Variants in SLIT2 observed in about 807,000 individuals in gnomAD.
SLIT2 encodes slit homolog 2 protein.
In SLIT2, 41 loss-of-function variants were observed where a neutral mutation model predicts 185.7. The ratio of observed to expected loss-of-function variants is 0.22; its 90% CI spans 0.17 to 0.29. The LOEUF (loss-of-function observed/expected upper bound fraction) is 0.29, where lower values mean the gene tolerates loss of function less well. Ranked by LOEUF, SLIT2 falls within the 10% of genes least tolerant of loss-of-function variation. The probability of loss-of-function intolerance (pLI) is 1.00; values close to 1 mark genes in which losing one functional copy is unlikely to be tolerated. For missense variants in SLIT2, 1,571 were observed against 1,909.0 expected (o/e 0.82, Z 3.30); for synonymous variants, 693 against 680.2 (o/e 1.02, Z -0.29).
At chr4:20,486,987 A>G (rs545000976) in intron 7 of SLIT2, among the ~76,000 whole-genome samples, 11 of 152,202 alleles carry the variant, frequency 7.2e-5, no homozygotes, top group African/African-American at 2.6e-4. Context: ...AAACCAAAGC[A>G]TCAAACTTCT....
chr4:20,359,811 TA>T (rs1425202916), intron 4 of SLIT2, among the ~76,000 whole-genome samples: 1 of 152,104 alleles, frequency 6.6e-6, no homozygotes, highest in African/African-American at 2.4e-5. Context: ...GGAAGTTAGC[TA>T]CCCTCATGTT....
At chr4:20,370,110 T>C (rs977222072) in intron 4 of SLIT2, among the ~76,000 whole-genome samples, 10 of 152,062 alleles carry the variant, frequency 6.6e-5, no homozygotes, top group Non-Finnish European at 1.3e-4. Context: ...AGCAAGCTCT[T>C]CAGGTGATTT....
intron 4 of SLIT2, among the ~76,000 whole-genome samples, chr4:20,362,592 A>C (rs1200948417): frequency 9.2e-5 from 14 of 151,688 alleles, no homozygotes. Context: ...TAATTATATA[A>C]ATTTTTATAT....
intron 4 of SLIT2, among the ~76,000 whole-genome samples, chr4:20,427,375 AT>A (rs1263712315): frequency 1.3e-5 from 2 of 152,038 alleles, no homozygotes; most frequent in Admixed American, 1.3e-4. Flanking sequence ...CATTTTTTTC[AT>A]TTTCAAAGGT....
chr4:20,414,219 A>G (rs1297304801), intron 4 of SLIT2, among the ~76,000 whole-genome samples: 1 of 152,162 alleles, frequency 6.6e-6, no homozygotes, highest in East Asian at 1.9e-4. Flanking sequence ...TGTTAAATTA[A>G]TTAAATACCA....
At chr4:20,561,575 A>C (rs1172085745) in intron 26 of SLIT2, among the ~76,000 whole-genome samples, 1 of 151,790 alleles carries the variant, frequency 6.6e-6, no homozygotes, top group African/African-American at 2.4e-5. Context: ...TATTTAGATC[A>C]GTTTTGAAGC....
In SLIT2 at chr4:20,367,527, C is replaced by A. The variant is rs73108604; in HGVS notation, c.395+98646C>A. The stretch of plus-strand genomic sequence containing the variant: ...GGAGACATTTGATATATTTTTAAGT[C>A]TCCCAGAAAATATCCTAAGCATAAG... On this transcript the variant is annotated intron_variant, in intron 4 of 36. Transcript: ENST00000504154. Among the ~76,000 whole-genome samples, 581 of 152,184 alleles carry A rather than the reference C, an allele frequency of 3.8e-3. 4 individuals are homozygous for A. The highest frequency in any genetic ancestry group is 0.012 in the African/African-American group (513 of 41,538).
At position 20,532,038 on chromosome 4, in the gene SLIT2, A is replaced by G; in HGVS notation, c.1668A>G (p.Lys556=). ...TGGAAGCCACAGGAATCTTTAAGAA[A>G]CTTCCTCAATTACGTAAAATGTAAG... ...TVLEATGIFK[K]LPQLRKINFS... The change falls in exon 17 of 37, where the codon AAA becomes AAG. Residue 556 remains lysine, a synonymous_variant. Transcript: ENST00000504154. 1 of 1,571,368 alleles carries G rather than the reference A, an allele frequency of 6.4e-7. No individual in the cohort carries two copies. Among genetic ancestry groups the G allele is most frequent in the Non-Finnish European group, 8.6e-7 (1 of 1,163,670 alleles).
At chr4:20,349,627 T>C (rs1484649103) in intron 4 of SLIT2, among the ~76,000 whole-genome samples, 1 of 152,244 alleles carries the variant, frequency 6.6e-6, no homozygotes, top group East Asian at 1.9e-4. Flanking sequence ...CCTGAAAATG[T>C]TAAAGTATCA....
intron 3 of SLIT2, 27 bp downstream of exon 3, chr4:20,257,966 GACAA>G: frequency 1.1e-5 from 12 of 1,085,806 alleles, no homozygotes; most frequent in Non-Finnish European, 1.7e-5. Flanking sequence ...CCAAAGTTAT[GACAA>G]CATAACTGTG....
intron 4 of SLIT2, among the ~76,000 whole-genome samples, chr4:20,445,478 G>A (rs1444096623): frequency 6.6e-6 from 1 of 152,150 alleles, no homozygotes; most frequent in Non-Finnish European, 1.5e-5. Context: ...AATTAGGCCT[G>A]TCTCCTCTTT....
intron 4 of SLIT2, among the ~76,000 whole-genome samples, chr4:20,414,902 G>T (rs927226140): frequency 2.2e-4 from 33 of 151,932 alleles, no homozygotes; most frequent in African/African-American, 6.3e-4. Flanking sequence ...TGGATGTATA[G>T]ATTTATATTT....
At chr4:20,412,973 C>T (rs1004365695) in intron 4 of SLIT2, among the ~76,000 whole-genome samples, 3 of 151,900 alleles carry the variant, frequency 2.0e-5, no homozygotes, top group Non-Finnish European at 4.4e-5. Flanking sequence ...TACATGTGAA[C>T]TTTAGGATTA....
intron 25 of SLIT2, among the ~76,000 whole-genome samples, chr4:20,553,056 C>T (rs944237635): frequency 9.9e-5 from 15 of 152,268 alleles, no homozygotes; most frequent in Middle Eastern, 3.4e-3. Context: ...TAATGAACAA[C>T]CGTAAAATGA....
At chr4:20,511,460 C>T (rs1342122327) in intron 11 of SLIT2, among the ~76,000 whole-genome samples, 6 of 127,246 alleles carry the variant, frequency 4.7e-5, no homozygotes, top group South Asian at 2.5e-4. Flanking sequence ...CTTGCTCTGT[C>T]GCCCAGACTG....
chr4:20,484,672 C>T lies in SLIT2; in HGVS notation c.540-1528C>T, dbSNP rs1319100766. Among the ~76,000 whole-genome samples the T allele has an allele frequency of 6.6e-6, 1 of 152,106 alleles. No homozygotes were observed. Among genetic ancestry groups the T allele is most frequent in the Non-Finnish European group, 1.5e-5 (1 of 68,008 alleles). Reference sequence around the variant, plus strand: ...CCTCAAAAATATATTTTGTGTAGCTCAAACATAAGCGGTCTACAGACTGTT... The same window carrying T: ...CCTCAAAAATATATTTTGTGTAGCTTAAACATAAGCGGTCTACAGACTGTT... On this transcript the variant is annotated intron_variant, in intron 6 of 36. Coordinates refer to ENST00000504154, the MANE Select transcript of SLIT2 (RefSeq NM_004787.4). The surrounding 1 kb of genome is among the most constrained non-coding windows in gnomAD (Gnocchi z 4.3).
chr4:20,454,322 C>T (rs2148718777), intron 4 of SLIT2, among the ~76,000 whole-genome samples: 1 of 152,182 alleles, frequency 6.6e-6, no homozygotes, highest in South Asian at 2.1e-4. Context: ...TTAGGATCTT[C>T]AAATACATGA....
intron 23 of SLIT2, 116 bp downstream of exon 23, chr4:20,548,675 T>C (rs1005042364): frequency 1.5e-5 from 10 of 686,360 alleles, no homozygotes; most frequent in East Asian, 5.1e-5. Flanking sequence ...AATGTTTCTA[T>C]TGGGAGAAAC....
rs1362134278 is a variant in SLIT2 at position 20,427,256 on chromosome 4, A to G, written c.396-40496A>G. Among the ~76,000 whole-genome samples, 19 of 152,188 alleles carry G rather than the reference A, an allele frequency of 1.2e-4. 1 individual carries two copies. The highest frequency in any genetic ancestry group is 1.2e-3 in the Admixed American group (19 of 15,280). ...CTGTGAAACCATGCTACTTCCTTAG[A>G]TGGTGCTCCTTCAGGAAAAGGATAT... On this transcript the variant is annotated intron_variant, in intron 4 of 36. Coordinates refer to ENST00000504154, the MANE Select transcript of SLIT2 (RefSeq NM_004787.4).
Sources: allele counts gnomAD v4.1 joint callset (sites outside exome capture counted in the v4.1 genomes callset), GRCh38; gene constraint gnomAD v4.1.1; non-coding constraint Gnocchi (gnomAD v3.1); transcripts MANE v1.5; gene names NCBI Gene and HGNC (gene_info 2026-07-23, HGNC 2026-07-21).